The following MON2 variants were observed in gnomAD, a reference collection of about 807,000 sequenced individuals.
MON2 encodes the protein protein MON2 homolog.
MON2 carries 84 observed loss-of-function variants against 208.6 expected under a neutral mutation model. That is an observed-to-expected ratio of 0.40 (90% CI 0.34 to 0.48). The LOEUF is 0.48. Among genes scored for constraint, MON2 ranks in the 20% least tolerant of loss-of-function variants. The pLI, the probability that MON2 is intolerant of heterozygous loss-of-function variation, is 0.59. For synonymous variants in MON2, 660 were observed against 694.0 expected, an observed-to-expected ratio of 0.95 and a Z score of 0.77; for missense variants, 1,611 against 2,015.4, an observed-to-expected ratio of 0.80 and a Z score of 3.84.
intron 27 of MON2, among the ~76,000 whole-genome samples, 189 bp downstream of exon 27, chr12:62,565,569 T>C (rs1048951808): frequency 6.6e-6 from 1 of 152,172 alleles, no homozygotes; most frequent in Non-Finnish European, 1.5e-5. Flanking sequence ...GTGTTCTTTT[T>C]CTCCTCATTT....
At chr12:62,574,952 C>T (rs1325319121) in intron 30 of MON2, among the ~76,000 whole-genome samples, 1 of 137,362 alleles carries the variant, frequency 7.3e-6, no homozygotes, top group African/African-American at 2.9e-5. Flanking sequence ...AGTGAGACTC[C>T]GCCTCTACAA....
At chr12:62,479,410 A>ATGTG (rs200014983) in intron 1 of MON2, among the ~76,000 whole-genome samples, 25 of 141,940 alleles carry the variant, frequency 1.8e-4, no homozygotes, top group Admixed American at 8.7e-4. Context: ...GTATTTTAAA[A>ATGTG]TGTGTGTGTG....
chr12:62,511,600 CA>C (rs35153665), intron 8 of MON2, among the ~76,000 whole-genome samples: 56,150 of 151,940 alleles, frequency 0.37, 10,573 homozygotes, highest in African/African-American at 0.41. Flanking sequence ...ATGCCATGTA[CA>C]AAAAATAATT....
At chr12:62,508,203 TTTC>T in intron 7 of MON2, 80 bp from the exon 8 acceptor site, 1 of 1,031,042 alleles carries the variant, frequency 9.7e-7, no homozygotes, top group South Asian at 1.6e-5. Context: ...AGAAGTTTTG[TTTC>T]CTAGTGAGAC....
At chr12:62,534,951 A>G in intron 13 of MON2, 25 bp downstream of exon 13, 2 of 1,488,066 alleles carry the variant, frequency 1.3e-6, no homozygotes, top group Non-Finnish European at 1.8e-6. Flanking sequence ...TAAGTTTTAT[A>G]TTGAACTGTG....
intron 2 of MON2, among the ~76,000 whole-genome samples, chr12:62,492,362 C>CTTTTT (rs67979134): frequency 3.2e-4 from 35 of 110,244 alleles, no homozygotes; most frequent in African/African-American, 6.7e-4. Context: ...AGAGTTAGTT[C>CTTTTT]TTTTTTTTTT....
chr12:62,584,698 G>T (rs2075134568), intron 32 of MON2, among the ~76,000 whole-genome samples: 1 of 101,300 alleles, frequency 9.9e-6, no homozygotes, highest in Admixed American at 1.3e-4. Flanking sequence ...ATGAGACTCT[G>T]TCTCAACAAA....
At chr12:62,476,967 G>T (rs533242920) in intron 1 of MON2, among the ~76,000 whole-genome samples, 5 of 152,102 alleles carry the variant, frequency 3.3e-5, no homozygotes, top group Non-Finnish European at 7.3e-5. Flanking sequence ...ACTAGCCTGG[G>T]CAACATAGCA....
At chr12:62,590,349 T>C (rs1274704378) in intron 34 of MON2, among the ~76,000 whole-genome samples, 3 of 152,154 alleles carry the variant, frequency 2.0e-5, no homozygotes, top group African/African-American at 7.2e-5. Context: ...CACCTTGGCC[T>C]CCGAAAGTGC....
intron 19 of MON2, among the ~76,000 whole-genome samples, 161 bp from the exon 20 acceptor site, chr12:62,542,936 C>G (rs776398869): frequency 6.6e-6 from 1 of 152,142 alleles, no homozygotes; most frequent in Admixed American, 6.5e-5. Flanking sequence ...TGACAGGAAG[C>G]CTTGTCTTTG....
At chr12:62,523,313 T>C (rs1009195356) in intron 8 of MON2, among the ~76,000 whole-genome samples, 7 of 152,200 alleles carry the variant, frequency 4.6e-5, no homozygotes, top group African/African-American at 1.4e-4. Flanking sequence ...TCATTTGATT[T>C]CCCAGAAAGA....
intron 19 of MON2, 103 bp downstream of exon 19, chr12:62,538,608 T>C: frequency 2.5e-6 from 2 of 794,944 alleles, no homozygotes; most frequent in Non-Finnish European, 4.1e-6. Flanking sequence ...ACACTCAGAT[T>C]GTATGGTAAC....
At chr12:62,501,288 A>T (rs2070815573) in intron 6 of MON2, among the ~76,000 whole-genome samples, 1 of 152,208 alleles carries the variant, frequency 6.6e-6, no homozygotes, top group South Asian at 2.1e-4. Context: ...AAATATTATT[A>T]CTTCGGATTA....
At chr12:62,581,851 CTG>C (rs1354201855) in intron 32 of MON2, among the ~76,000 whole-genome samples, 1 of 152,142 alleles carries the variant, frequency 6.6e-6, no homozygotes, top group African/African-American at 2.4e-5. Flanking sequence ...AAAAAAGAAA[CTG>C]TAAATTTGTG....
At chr12:62,555,179 T>G (rs939331629) in intron 24 of MON2, among the ~76,000 whole-genome samples, 6 of 152,024 alleles carry the variant, frequency 3.9e-5, no homozygotes, top group African/African-American at 1.4e-4. Flanking sequence ...TTTAATTTAA[T>G]TTAATTTTTT....
chr12:62,535,116 A>T (rs1166518141), intron 13 of MON2, among the ~76,000 whole-genome samples, 190 bp downstream of exon 13: 2 of 152,130 alleles, frequency 1.3e-5, no homozygotes, highest in Non-Finnish European at 2.9e-5. Context: ...CAGAATTGTC[A>T]TGATGTTTTA....
chr12:62,565,770 CTGTT>C (rs2074358315), intron 27 of MON2, among the ~76,000 whole-genome samples: 1 of 152,108 alleles, frequency 6.6e-6, no homozygotes, highest in Non-Finnish European at 1.5e-5. Context: ...GATGAAGAAA[CTGTT>C]TGTACTAAAT....
Position 62,598,846 on chromosome 12 carries a change from ATTGT to A in MON2, c.*6100_*6103del, listed in dbSNP as rs1220725165. ...TATAGTTATAACTGTGATTGTACAGATTGTTTATTTGTTTTACAGCTAACATTAA... is the reference window on the plus strand; with the variant it reads ...TATAGTTATAACTGTGATTGTACAGATTATTTGTTTTACAGCTAACATTAA... On this transcript the variant is annotated 3_prime_UTR_variant, in exon 35 of 35. Coordinates refer to ENST00000393630, the MANE Select transcript of MON2 (RefSeq NM_015026.3). 5 of 152,256 alleles carry A rather than the reference ATTGT, an allele frequency of 3.3e-5. No homozygotes were observed. Among genetic ancestry groups the A allele is most frequent in the East Asian group, 3.9e-4 (2 of 5,182 alleles). The allele number at this position is 152,256 out of a possible 1,614,324, so 9.4% of individuals were successfully genotyped here.
Position 62,526,102 on chromosome 12 carries a change from A to C in MON2, c.1400A>C (p.Tyr467Ser). ...GTTCAAGGCAGTGCTAAAGCCACCT[A>C]GTAAGTAGTAGCAGCATTATTTTAT... ...ITVQGSAKAT[Y>S]LEMLDKVEPP... The change falls in exon 11 of 35, where the codon TAC (tyrosine) becomes TCC (serine). Residue 467 changes from tyrosine to serine, a missense_variant and splice_region_variant. Tyr to Ser is a moderately radical substitution (Grantham distance 144). Transcript: ENST00000393630. The C allele has an allele frequency of 6.2e-7, 1 of 1,612,104 alleles. No individual in the cohort carries two copies. The highest frequency in any genetic ancestry group is 8.5e-7 in the Non-Finnish European group (1 of 1,178,278).
Sources: allele counts gnomAD v4.1 joint callset (sites outside exome capture counted in the v4.1 genomes callset), GRCh38; gene constraint gnomAD v4.1.1; transcripts MANE v1.5; gene names NCBI Gene and HGNC (gene_info 2026-07-23, HGNC 2026-07-21).